MAML3: variants seen among roughly 807,000 people sequenced by gnomAD.
MAML3 encodes mastermind like transcriptional coactivator 3.
MAML3 carries 27 observed loss-of-function variants against 101.9 expected under a neutral mutation model. The observed-to-expected ratio is 0.27, with a 90% confidence interval of 0.20 to 0.37. The LOEUF (loss-of-function observed/expected upper bound fraction) is 0.37, where lower values mean the gene tolerates loss of function less well. Ranked by LOEUF, MAML3 falls within the 10% of genes least tolerant of loss-of-function variation. MAML3 has a pLI of 1.00. For synonymous variants in MAML3, 501 were observed against 555.9 expected (o/e 0.90, Z 1.39); for missense variants, 1,316 against 1,444.9 (o/e 0.91, Z 1.45).
chr4:140,019,188 C>A (rs1027524781), intron 1 of MAML3, among the ~76,000 whole-genome samples: 1 of 151,970 alleles, frequency 6.6e-6, no homozygotes, highest in Non-Finnish European at 1.5e-5. Flanking sequence ...TATGTTTTTT[C>A]AGTTTAGAAA....
chr4:139,976,620 G>T (rs1450670954), intron 1 of MAML3, among the ~76,000 whole-genome samples: 1 of 152,218 alleles, frequency 6.6e-6, no homozygotes, highest in Non-Finnish European at 1.5e-5. Flanking sequence ...CAGTTGAGAA[G>T]CCATATGTGG....
chr4:139,739,706 T>C (rs1019310235), intron 2 of MAML3, among the ~76,000 whole-genome samples: 1 of 123,714 alleles, frequency 8.1e-6, no homozygotes, highest in Non-Finnish European at 1.7e-5. Context: ...TTTTATGTCC[T>C]CAGGTGTTAA....
intron 1 of MAML3, among the ~76,000 whole-genome samples, chr4:140,092,360 T>G (rs1381806698): frequency 6.6e-6 from 1 of 151,888 alleles, no homozygotes; most frequent in Non-Finnish European, 1.5e-5. Context: ...GGAGTGGGAC[T>G]GGGGGAAGAT....
chr4:140,039,556 C>A (rs1442193771), intron 1 of MAML3, among the ~76,000 whole-genome samples: 1 of 152,192 alleles, frequency 6.6e-6, no homozygotes, highest in Non-Finnish European at 1.5e-5. Flanking sequence ...GTTATCTGCT[C>A]CTCCTCTTGA....
chr4:139,962,950 A>C (rs971699215), intron 1 of MAML3, among the ~76,000 whole-genome samples: 1 of 152,174 alleles, frequency 6.6e-6, no homozygotes, highest in African/African-American at 2.4e-5. Flanking sequence ...GGTAAAGGGA[A>C]CGGCAATAAT....
chr4:140,086,575 AGGT>A (rs1424807263), intron 1 of MAML3, among the ~76,000 whole-genome samples: 2 of 152,206 alleles, frequency 1.3e-5, no homozygotes, highest in African/African-American at 4.8e-5. Flanking sequence ...AAGATCTTAC[AGGT>A]ATGGCAGAAT....
At chr4:140,151,996 C>T (rs905949867) in intron 1 of MAML3, among the ~76,000 whole-genome samples, 2 of 152,184 alleles carry the variant, frequency 1.3e-5, no homozygotes, top group Non-Finnish European at 2.9e-5. Flanking sequence ...ACTCCGTGCA[C>T]GCAAGTTTAA....
chr4:139,840,496 C>G (rs1731341997), intron 2 of MAML3, among the ~76,000 whole-genome samples: 1 of 152,172 alleles, frequency 6.6e-6, no homozygotes, highest in Non-Finnish European at 1.5e-5. Flanking sequence ...GACAGAAGCC[C>G]CGGTGCAGTG....
chr4:139,741,969 C>T (rs1268210463), intron 2 of MAML3, among the ~76,000 whole-genome samples: 2 of 151,998 alleles, frequency 1.3e-5, no homozygotes, highest in Non-Finnish European at 2.9e-5. Flanking sequence ...ATTTTCTTAA[C>T]CTTGAAAGAC....
intron 1 of MAML3, among the ~76,000 whole-genome samples, chr4:140,009,397 T>C (rs1726512199): frequency 6.6e-6 from 1 of 152,194 alleles, no homozygotes; most frequent in African/African-American, 2.4e-5. Flanking sequence ...CCTGACCCAC[T>C]TTCCCTAGTC....
At chr4:139,791,243 T>G (rs1289735169) in intron 2 of MAML3, among the ~76,000 whole-genome samples, 1 of 152,218 alleles carries the variant, frequency 6.6e-6, no homozygotes, top group Non-Finnish European at 1.5e-5. Context: ...ACGCCTGTAA[T>G]CCCAGCACTT....
intron 2 of MAML3, among the ~76,000 whole-genome samples, chr4:139,742,515 A>T (rs1411591155): frequency 6.6e-6 from 1 of 152,178 alleles, no homozygotes; most frequent in East Asian, 1.9e-4. Flanking sequence ...TGCTTGGCTT[A>T]TAGTAGGCGC....
In MAML3 at chr4:140,093,700, T is replaced by G. The variant is rs150573625; in HGVS notation, c.468+59160A>C. On this transcript the variant is annotated intron_variant, in intron 1 of 4. Transcript: ENST00000509479. ...GTCTCGGCCGCCCAAAGTGCTGGGATTACAGGCGTGAGCCACCGTGCCCAG... is the reference window on the plus strand; with the variant it reads ...GTCTCGGCCGCCCAAAGTGCTGGGAGTACAGGCGTGAGCCACCGTGCCCAG... 6.1e-3 allele frequency among the ~76,000 whole-genome samples: 928 copies of G among 152,262 alleles called. 7 individuals carry two copies. The highest frequency in any genetic ancestry group is 0.021 in the African/African-American group (891 of 41,548).
At chr4:139,884,997 G>GT (rs1341650917) in intron 2 of MAML3, among the ~76,000 whole-genome samples, 1 of 152,222 alleles carries the variant, frequency 6.6e-6, no homozygotes. Context: ...TGTGACCATA[G>GT]TAAGTTCTAT....
At chr4:140,079,483 G>C (rs1008646486) in intron 1 of MAML3, among the ~76,000 whole-genome samples, 3 of 152,002 alleles carry the variant, frequency 2.0e-5, no homozygotes, top group Non-Finnish European at 4.4e-5. Context: ...TAGTAGATAT[G>C]GAGTTTCACC....
chr4:139,828,009 T>C (rs1731093460), intron 2 of MAML3, among the ~76,000 whole-genome samples: 1 of 152,256 alleles, frequency 6.6e-6, no homozygotes, highest in Admixed American at 6.5e-5. Context: ...TCTGATTATA[T>C]TCATAGTCAT....
intron 2 of MAML3, among the ~76,000 whole-genome samples, chr4:139,860,055 C>A (rs1731744236): frequency 6.6e-6 from 1 of 152,178 alleles, no homozygotes; most frequent in South Asian, 2.1e-4. Flanking sequence ...GACGTGCTGC[C>A]GTTTCTATTG....
chr4:139,951,860 T>G (rs1391917994), intron 1 of MAML3, among the ~76,000 whole-genome samples: 1 of 152,006 alleles, frequency 6.6e-6, no homozygotes, highest in East Asian at 1.9e-4. Context: ...GCCATTAAAT[T>G]AAAGCTTACG....
intron 1 of MAML3, among the ~76,000 whole-genome samples, chr4:139,997,917 T>A (rs1339835168): frequency 6.6e-6 from 1 of 152,158 alleles, no homozygotes; most frequent in Non-Finnish European, 1.5e-5. Flanking sequence ...AGACTGATGC[T>A]CCCTATATGT....
Sources: allele counts gnomAD v4.1 joint callset (sites outside exome capture counted in the v4.1 genomes callset), GRCh38; gene constraint gnomAD v4.1.1; transcripts MANE v1.5; gene names NCBI Gene and HGNC (gene_info 2026-07-23, HGNC 2026-07-21).